SIPA1L2: variants seen among roughly 807,000 people sequenced by gnomAD.
SIPA1L2 encodes the protein signal induced proliferation associated 1 like 2.
Under a neutral mutation model 163.9 loss-of-function variants are expected in SIPA1L2, and 56 were observed. The ratio of observed to expected loss-of-function variants is 0.34; its 90% CI spans 0.28 to 0.43. The LOEUF (loss-of-function observed/expected upper bound fraction) is 0.43. Among genes scored for constraint, SIPA1L2 ranks in the 20% least tolerant of loss-of-function variants. SIPA1L2 has a pLI of 1.00. For missense variants in SIPA1L2, 1,974 were observed against 2,193.5 expected (o/e 0.90, Z 2.00); for synonymous variants, 877 against 865.7 (o/e 1.01, Z -0.23).
At position 232,445,723 on chromosome 1, in the gene SIPA1L2, G is replaced by A. The variant is rs570078014; in HGVS notation, c.3159C>T (p.Pro1053=). The change falls in exon 11 of 23, where the codon CCC becomes CCT. Residue 1053 remains proline, a synonymous_variant. Transcript: ENST00000674635. ...VEYKLDSEGT[P]CEYKTPFRRN... ...TCCTGAAGGGGGTTTTATACTCGCA[G>A]GGGGTGCCCTCGCTGTCGAGTTTAT... The A allele has an allele frequency of 6.8e-6, 11 of 1,613,660 alleles. No individual in the cohort carries two copies. In the South Asian group the frequency reaches 1.1e-4, roughly 16 times the overall value.
At chr1:232,498,953 C>T (rs2103012507) in intron 3 of SIPA1L2, among the ~76,000 whole-genome samples, 1 of 152,294 alleles carries the variant, frequency 6.6e-6, no homozygotes, top group African/African-American at 2.4e-5. Flanking sequence ...CTTTAATTCA[C>T]TTATTCAAAT....
chr1:232,612,507 T>C (rs1662294468), intron 1 of SIPA1L2, among the ~76,000 whole-genome samples: 1 of 152,212 alleles, frequency 6.6e-6, no homozygotes, highest in African/African-American at 2.4e-5. Context: ...TGCATCAGCA[T>C]GACCTGGATG....
intron 2 of SIPA1L2, among the ~76,000 whole-genome samples, chr1:232,516,223 A>C (rs1156377059): frequency 6.6e-6 from 1 of 152,172 alleles, no homozygotes; most frequent in Non-Finnish European, 1.5e-5. Context: ...TCAAATTAGA[A>C]CTCACACAGA....
chr1:232,607,624 TCTC>T (rs1661996386), intron 1 of SIPA1L2, among the ~76,000 whole-genome samples: 1 of 152,182 alleles, frequency 6.6e-6, no homozygotes, highest in Admixed American at 6.5e-5. Flanking sequence ...TGTCCCCACT[TCTC>T]CTCGTATTTA....
chr1:232,525,233 C>CTTTT (rs11389753), intron 2 of SIPA1L2, among the ~76,000 whole-genome samples: 14 of 102,928 alleles, frequency 1.4e-4, no homozygotes, highest in African/African-American at 2.3e-4. Context: ...ATAATAATAG[C>CTTTT]TTTTTTTTTT....
rs561715357 is a variant in SIPA1L2 at position 232,471,367 on chromosome 1, T to G, written c.2243+4A>C. Reference sequence around the variant, plus strand: ...GAATGATAGATCAGGGATGACTGACTCACCTATAACACACATTTTCGGTAC... The same window carrying G: ...GAATGATAGATCAGGGATGACTGACGCACCTATAACACACATTTTCGGTAC... On this transcript the variant is annotated splice_donor_region_variant and intron_variant, in intron 8 of 22. Transcript: ENST00000674635. 1 of 1,610,386 alleles carries G rather than the reference T, an allele frequency of 6.2e-7. No individual in the cohort carries two copies. Among genetic ancestry groups the G allele is most frequent in the Admixed American group, 1.7e-5 (1 of 59,122 alleles).
intron 2 of SIPA1L2, among the ~76,000 whole-genome samples, chr1:232,571,648 G>A (rs983915768): frequency 6.6e-6 from 1 of 152,202 alleles, no homozygotes; most frequent in African/African-American, 2.4e-5. Flanking sequence ...AGAGATGACT[G>A]AATCATGGAG....
At chr1:232,443,020 C>T (rs1662995328) in intron 12 of SIPA1L2, among the ~76,000 whole-genome samples, 1 of 152,224 alleles carries the variant, frequency 6.6e-6, no homozygotes, top group Non-Finnish European at 1.5e-5. Context: ...CAACCCAAAG[C>T]AGCACCAAGT....
rs1340790424 is a variant in SIPA1L2, at chr1:232,415,608, C to T, written c.4648G>A (p.Asp1550Asn). ...GSLRNEFWFS[D>N]GSLSDKSKCA... The stretch of plus-strand genomic sequence containing the variant: ...TTGGACTTATCTGATAAGGACCCAT[C>T]GGAGAACCAGAACTCATCTAAACAG... Residue 1550 changes from aspartate (D) to asparagine (N), a missense_variant, in exon 19 of 23, where the codon GAT becomes AAT. This residue lies in a region of SIPA1L2 where 1,079 missense variants were observed against 1,150.7 expected (regional missense o/e 0.94). Transcript: ENST00000674635. The T allele has an allele frequency of 8.7e-6, 14 of 1,613,894 alleles. No individual in the cohort carries two copies. Among genetic ancestry groups the T allele is most frequent in the East Asian group, 6.7e-5 (3 of 44,878 alleles).
At chr1:232,440,982 T>C (rs1662858769) in intron 14 of SIPA1L2, among the ~76,000 whole-genome samples, 1 of 152,226 alleles carries the variant, frequency 6.6e-6, no homozygotes, top group Non-Finnish European at 1.5e-5. Context: ...TCTGCTTCTG[T>C]TTTGTGCCAC....
At chr1:232,582,011 A>C (rs1246954626) in intron 1 of SIPA1L2, among the ~76,000 whole-genome samples, 1 of 152,218 alleles carries the variant, frequency 6.6e-6, no homozygotes, top group Non-Finnish European at 1.5e-5. Context: ...TTCTTGATAG[A>C]TATGTCTGCA....
rs371398775 is a variant in SIPA1L2 at position 232,566,381 on chromosome 1, GCAAA to G, written c.-270+7789_-270+7792del. On this transcript the variant is annotated intron_variant, in intron 2 of 22. Coordinates refer to ENST00000674635, the MANE Select transcript of SIPA1L2 (RefSeq NM_020808.5). ...CTCCAAAGAGAAATGTTTAATAAAA[GCAAA>G]CAAACAAAGGAAAGAAAATAAACCA... is the stretch of plus-strand genomic sequence containing the variant. Among the ~76,000 whole-genome samples, 190 of 152,186 alleles carry G rather than the reference GCAAA, an allele frequency of 1.2e-3. 1 individual carries two copies. The highest frequency in any genetic ancestry group is 4.2e-3 in the African/African-American group (174 of 41,528).
chr1:232,592,429 T>G (rs1209925765), intron 1 of SIPA1L2, among the ~76,000 whole-genome samples: 2 of 152,228 alleles, frequency 1.3e-5, no homozygotes, highest in Admixed American at 1.3e-4. Context: ...TGGGGTAAAA[T>G]TGTAGCCACC....
At position 232,465,155 on chromosome 1, in the gene SIPA1L2, C is replaced by T. The variant is rs767820735; in HGVS notation, c.2505G>A (p.Ala835=). ...SVKFSFITLG[A]KKKEKVKPRK... is the part of the protein sequence containing the mutation. ...TTGGCTTTACCTTCTCCTTTTTCTT[C>T]GCACCCAGCGTAATGAAGCTGAACT... The change falls in exon 9 of 23, where the codon GCG becomes GCA. Residue 835 remains alanine (A), a synonymous_variant. Coordinates refer to ENST00000674635, the MANE Select transcript of SIPA1L2 (RefSeq NM_020808.5). The surrounding 1 kb of genome is among the most constrained non-coding windows in gnomAD (Gnocchi z 4.1). 2.0e-5 allele frequency: 33 copies of T among 1,614,180 alleles called. No individual in the cohort carries two copies. The highest frequency in any genetic ancestry group is 9.9e-5 in the South Asian group (9 of 91,080).
At chr1:232,536,228 C>T (rs1031707455) in intron 2 of SIPA1L2, among the ~76,000 whole-genome samples, 4 of 152,190 alleles carry the variant, frequency 2.6e-5, no homozygotes, top group Non-Finnish European at 4.4e-5. Flanking sequence ...AGGCATCTCT[C>T]GCCTCTCTCC....
At chr1:232,402,275 A>G (rs1444360736) in intron 22 of SIPA1L2, 117 bp downstream of exon 22, 3 of 765,830 alleles carry the variant, frequency 3.9e-6, no homozygotes, top group Non-Finnish European at 6.1e-6. Context: ...GGTATTTATC[A>G]TTGGTTTTTG....
chr1:232,433,555 C>T (rs555161038), intron 15 of SIPA1L2, among the ~76,000 whole-genome samples: 1 of 152,170 alleles, frequency 6.6e-6, no homozygotes, highest in Non-Finnish European at 1.5e-5. Flanking sequence ...AATACTGAAA[C>T]AGACAGAGGC....
In SIPA1L2 at chr1:232,578,248, T is replaced by C. The variant is rs138428491; in HGVS notation, c.-318-4026A>G. 6.5e-3 allele frequency among the ~76,000 whole-genome samples: 975 copies of C among 151,100 alleles called. 23 individuals carry two copies. The highest frequency in any genetic ancestry group is 0.028 in the Admixed American group (424 of 15,162). On this transcript the variant is annotated intron_variant, in intron 1 of 22. Coordinates refer to ENST00000674635, the MANE Select transcript of SIPA1L2 (RefSeq NM_020808.5). ...CTCCAGTATAGCGTAACTGTAACTT[T>C]TAAATGCACTGGAAAAAAAAAAAAT...
At chr1:232,429,724 A>T (rs1662115304) in intron 16 of SIPA1L2, among the ~76,000 whole-genome samples, 1 of 152,186 alleles carries the variant, frequency 6.6e-6, no homozygotes, top group Non-Finnish European at 1.5e-5. Context: ...AAGACGCTGG[A>T]GGGCTTTTGC....
Sources: gnomAD v4.1 joint callset for allele counts (sites outside exome capture counted in the v4.1 genomes callset) on GRCh38, gnomAD v4.1.1 for gene constraint, gnomAD v4.1.1 regional missense constraint, Gnocchi (gnomAD v3.1) non-coding constraint, MANE v1.5 for transcripts, NCBI Gene and HGNC (gene_info 2026-07-23, HGNC 2026-07-21) for gene names.